AGBL4: variants seen among roughly 807,000 people sequenced by gnomAD.
AGBL4 encodes cytosolic carboxypeptidase 6.
A neutral mutation model predicts 66.4 loss-of-function variants in AGBL4; 58 were observed. That is an observed-to-expected ratio of 0.87 (90% CI 0.71 to 1.09). The LOEUF (loss-of-function observed/expected upper bound fraction) is 1.09. AGBL4 is among the 50% of genes least tolerant of loss of function. AGBL4 has a pLI of 0.00. For synonymous variants in AGBL4, 234 were observed against 222.9 expected (o/e 1.05, Z -0.44); for missense variants, 579 against 631.0 (o/e 0.92, Z 0.88).
At chr1:49,187,527 C>T (rs1225981458) in intron 4 of AGBL4, 4 of 152,250 alleles carry the variant, frequency 2.6e-5, no homozygotes, top group Middle Eastern at 6.8e-3. Context: ...GTCAAATGTT[C>T]AAGATCTCTT....
chr1:49,222,176 T>C (rs746143012), intron 4 of AGBL4, among the ~76,000 whole-genome samples: 4 of 152,276 alleles, frequency 2.6e-5, no homozygotes, highest in Admixed American at 1.3e-4. Context: ...ATTATATATG[T>C]CTTTATGTAT....
At chr1:49,861,868 T>C (rs1557522244) in intron 1 of AGBL4, among the ~76,000 whole-genome samples, 1 of 152,162 alleles carries the variant, frequency 6.6e-6, no homozygotes, top group Non-Finnish European at 1.5e-5. Flanking sequence ...ACAGCTTAGA[T>C]CACAGCACCC....
chr1:49,285,842 A>G (rs1031557898), intron 3 of AGBL4, among the ~76,000 whole-genome samples: 3 of 152,228 alleles, frequency 2.0e-5, no homozygotes, highest in African/African-American at 7.2e-5. Context: ...AAAAGAGGGA[A>G]TCCTCCCTAA....
chr1:49,088,279 C>T (rs938506857), intron 4 of AGBL4, among the ~76,000 whole-genome samples: 1 of 152,142 alleles, frequency 6.6e-6, no homozygotes, highest in African/African-American at 2.4e-5. Flanking sequence ...AATTAAAAGG[C>T]ACAGAGTTGC....
chr1:49,496,107 A>G (rs1363710584), intron 3 of AGBL4, among the ~76,000 whole-genome samples: 2 of 152,086 alleles, frequency 1.3e-5, no homozygotes, highest in African/African-American at 4.8e-5. Context: ...GGCTATTCCA[A>G]TGAGATCCTT....
intron 3 of AGBL4, among the ~76,000 whole-genome samples, chr1:49,346,726 C>A (rs1645639607): frequency 6.6e-6 from 1 of 152,146 alleles, no homozygotes; most frequent in South Asian, 2.1e-4. Context: ...TCCTACTTCG[C>A]CTGAAGAACT....
intron 4 of AGBL4, among the ~76,000 whole-genome samples, chr1:49,092,774 A>G (rs1645024992): frequency 6.6e-6 from 1 of 152,126 alleles, no homozygotes; most frequent in Non-Finnish European, 1.5e-5. Context: ...AGCTTGGTAC[A>G]GAGAAAATTT....
At chr1:49,979,364 G>A (rs1490995897) in intron 1 of AGBL4, among the ~76,000 whole-genome samples, 1 of 151,772 alleles carries the variant, frequency 6.6e-6, no homozygotes, top group Admixed American at 6.6e-5. Context: ...GGGAGGCTGA[G>A]GCAGGAGAAT....
chr1:49,170,990 CAA>C (rs1646728284), intron 4 of AGBL4, among the ~76,000 whole-genome samples: 1 of 152,112 alleles, frequency 6.6e-6, no homozygotes, highest in Admixed American at 6.6e-5. Flanking sequence ...TCAGAAATCA[CAA>C]AGTGTTTCTT....
chr1:49,757,458 G>A (rs547254056), intron 2 of AGBL4, among the ~76,000 whole-genome samples: 13 of 152,312 alleles, frequency 8.5e-5, no homozygotes, highest in Admixed American at 2.0e-4. Flanking sequence ...ACAGAAAAGC[G>A]TGGGAAAGTT....
In AGBL4 at chr1:49,110,127, C is replaced by T. The variant is rs1361842892; in HGVS notation, c.378-64327G>A. ...TCCATTGATCTTATTACTTGATAGCCATCAGTCCCCTTCCTGTTTTCTCCT... is the reference window on the plus strand; with the variant it reads ...TCCATTGATCTTATTACTTGATAGCTATCAGTCCCCTTCCTGTTTTCTCCT... On this transcript the variant is annotated intron_variant, in intron 4 of 13. Coordinates refer to ENST00000371839, the MANE Select transcript of AGBL4 (RefSeq NM_032785.4). 3.3e-5 allele frequency among the ~76,000 whole-genome samples: 5 copies of T among 152,266 alleles called. No individual in the cohort carries two copies. The East Asian group carries it at 9.7e-4, about 29-fold the overall frequency.
intron 3 of AGBL4, among the ~76,000 whole-genome samples, chr1:49,515,601 T>C (rs1156380974): frequency 2.0e-5 from 3 of 151,582 alleles, no homozygotes; most frequent in Non-Finnish European, 2.9e-5. Context: ...ATGTTTATTG[T>C]GGCACTATTC....
At chr1:49,770,389 T>A (rs759323110) in intron 2 of AGBL4, among the ~76,000 whole-genome samples, 7 of 152,216 alleles carry the variant, frequency 4.6e-5, no homozygotes, top group Non-Finnish European at 7.4e-5. Flanking sequence ...TTGTAGCAGA[T>A]GATGTTTTTT....
At chr1:49,981,089 C>T (rs1313306122) in intron 1 of AGBL4, among the ~76,000 whole-genome samples, 1 of 152,060 alleles carries the variant, frequency 6.6e-6, no homozygotes, top group East Asian at 1.9e-4. Context: ...AAGTTGAATG[C>T]TTCTGGAAAT....
chr1:49,453,800 A>G (rs1646331227), intron 3 of AGBL4, among the ~76,000 whole-genome samples: 1 of 151,652 alleles, frequency 6.6e-6, no homozygotes. Flanking sequence ...CAGATAACAG[A>G]ATCAATTGGG....
intron 2 of AGBL4, among the ~76,000 whole-genome samples, chr1:49,830,189 C>A (rs1474073945): frequency 6.6e-6 from 1 of 152,110 alleles, no homozygotes; most frequent in African/African-American, 2.4e-5. Flanking sequence ...GAGGAATCAC[C>A]ACACTGTCTT....
chr1:49,077,981 C>T (rs1029614892), intron 4 of AGBL4, among the ~76,000 whole-genome samples: 1 of 152,046 alleles, frequency 6.6e-6, no homozygotes, highest in African/African-American at 2.4e-5. Flanking sequence ...TTAATATACC[C>T]CTTTAAAGAA....
chr1:49,030,324 C>T (rs1048238271), intron 5 of AGBL4, among the ~76,000 whole-genome samples: 1 of 152,130 alleles, frequency 6.6e-6, no homozygotes, highest in African/African-American at 2.4e-5. Flanking sequence ...TATAACAAGA[C>T]AGCCGACTGA....
intron 8 of AGBL4, among the ~76,000 whole-genome samples, chr1:48,650,001 C>T (rs1450040265): frequency 2.6e-5 from 4 of 152,258 alleles, no homozygotes; most frequent in Non-Finnish European, 5.9e-5. Context: ...ACACCCAAGT[C>T]CATTTTCTCA....
Sources: gnomAD v4.1 joint callset for allele counts (sites outside exome capture counted in the v4.1 genomes callset) on GRCh38, gnomAD v4.1.1 for gene constraint, MANE v1.5 for transcripts, NCBI Gene and HGNC (gene_info 2026-07-23, HGNC 2026-07-21) for gene names.